The following GNG7 variants were observed in gnomAD, a reference collection of about 807,000 sequenced individuals.
GNG7 encodes G protein subunit gamma 7.
GNG7 carries 1 observed loss-of-function variant against 4.0 expected under a neutral mutation model. That is an observed-to-expected ratio of 0.25 (90% CI 0.09 to 1.18). The LOEUF is 1.18. Ranked by LOEUF, GNG7 falls within the 50% of genes most tolerant of loss-of-function variation. The probability of loss-of-function intolerance (pLI) is 0.50; values close to 1 mark genes in which losing one functional copy is unlikely to be tolerated. For synonymous variants in GNG7, 34 were observed against 36.9 expected (o/e 0.92, Z 0.29); for missense variants, 86 against 91.9 (o/e 0.94, Z 0.26).
At chr19:2,575,958 T>C (rs1980321228) in intron 2 of GNG7, among the ~76,000 whole-genome samples, 1 of 106,584 alleles carries the variant, frequency 9.4e-6, no homozygotes, top group African/African-American at 7.8e-5. Context: ...GGCAGACACA[T>C]GCAGACACAG....
intron 1 of GNG7, among the ~76,000 whole-genome samples, chr19:2,683,846 T>C (rs1599460913): frequency 6.6e-6 from 1 of 151,778 alleles, no homozygotes; most frequent in African/African-American, 2.4e-5. Context: ...TGCCGGGAGG[T>C]ACCCGTGCAG....
Position 2,639,970 on chromosome 19 carries a change from AG to A in GNG7, c.-78+6253del, listed in dbSNP as rs1164292876. 6.1e-3 allele frequency among the ~76,000 whole-genome samples: 313 copies of A among 51,318 alleles called. 2 individuals carry two copies. Among genetic ancestry groups the A allele is most frequent in the African/African-American group, 0.024 (288 of 11,868 alleles). 33.7% of individuals were successfully genotyped at this position (51,318 alleles called of 152,430 possible). On this transcript the variant is annotated intron_variant, in intron 2 of 4. Transcript: ENST00000382159. ...GGAGAGAGGAAGGAGGGAAGGAAGG[AG>A]GGGGGAGGGAGGGAAGGAAGAAAGA... is the stretch of plus-strand genomic sequence containing the variant.
intron 1 of GNG7, among the ~76,000 whole-genome samples, chr19:2,659,592 TAAAAA>T (rs879035849): frequency 2.3e-5 from 1 of 43,468 alleles, no homozygotes; most frequent in Non-Finnish European, 3.9e-5. Flanking sequence ...GACTCCATCT[TAAAAA>T]AAAAAAAAAA....
chr19:2,699,295 T>C (rs1913344030), intron 1 of GNG7, among the ~76,000 whole-genome samples: 1 of 152,030 alleles, frequency 6.6e-6, no homozygotes. Context: ...ATTACAGGCG[T>C]GTGCTACCAC....
chr19:2,628,814 A>G lies in GNG7; in HGVS notation c.-78+17410T>C, dbSNP rs114851593. On this transcript the variant is annotated intron_variant, in intron 2 of 4. Transcript: ENST00000382159. ...GCCCACCCAGGATGTCTCCTTTTTG[A>G]TGAGCTCAGGTCAACTGACTAGGAA... 4.5e-3 allele frequency among the ~76,000 whole-genome samples: 678 copies of G among 152,042 alleles called. 4 individuals are homozygous for G. Among genetic ancestry groups the G allele is most frequent in the African/African-American group, 0.016 (654 of 41,444 alleles).
rs1373370117 is a variant in GNG7, at chr19:2,618,176, C to T, written c.-78+28048G>A. Among the ~76,000 whole-genome samples, 3 of 152,080 alleles carry T rather than the reference C, an allele frequency of 2.0e-5. No homozygotes were observed. The highest frequency in any genetic ancestry group is 4.4e-5 in the Non-Finnish European group (3 of 68,026). On this transcript the variant is annotated intron_variant, in intron 2 of 4. Coordinates refer to ENST00000382159, the MANE Select transcript of GNG7 (RefSeq NM_052847.3). The surrounding 1 kb of genome is among the most constrained non-coding windows in gnomAD (Gnocchi z 5.1). ...ACAGTGAGTGTCGGGTCAATATTTG[C>T]GACTGACCGACGGGTTGGCCTTCCA...
chr19:2,537,599 T>C (rs544197241), intron 3 of GNG7, among the ~76,000 whole-genome samples: 1 of 152,138 alleles, frequency 6.6e-6, no homozygotes, highest in South Asian at 2.1e-4. Context: ...AATCAACATA[T>C]AATACACTGA....
chr19:2,620,228 AGG>A lies in GNG7; in HGVS notation c.-78+25994_-78+25995del, dbSNP rs1413743141. On this transcript the variant is annotated intron_variant, in intron 2 of 4. Transcript: ENST00000382159. ...TCAAAAACAGAAAAGAAAAGAGGAG[AGG>A]GGAGGGGAGGGGAGGGGAGGGGAGG... Among the ~76,000 whole-genome samples the A allele has an allele frequency of 3.5e-3, 156 of 44,558 alleles. 7 individuals carry two copies. Among genetic ancestry groups the A allele is most frequent in the African/African-American group, 0.01 (122 of 12,000 alleles). 29.2% of individuals were successfully genotyped at this position (44,558 alleles called of 152,430 possible).
chr19:2,597,355 G>T (rs1012999025), intron 2 of GNG7, among the ~76,000 whole-genome samples: 30 of 152,312 alleles, frequency 2.0e-4, no homozygotes, highest in African/African-American at 6.5e-4. Context: ...CTAACACTGT[G>T]GGAGGCCGAG....
At chr19:2,664,516 C>CA (rs1412623946) in intron 1 of GNG7, among the ~76,000 whole-genome samples, 1 of 151,992 alleles carries the variant, frequency 6.6e-6, no homozygotes, top group Non-Finnish European at 1.5e-5. Flanking sequence ...AACAAAGGGG[C>CA]AGGCCTGCTT....
intron 1 of GNG7, among the ~76,000 whole-genome samples, chr19:2,676,853 G>A (rs1983607591): frequency 1.3e-5 from 2 of 152,236 alleles, no homozygotes; most frequent in South Asian, 2.1e-4. Flanking sequence ...AGAGATGTGT[G>A]GCAGAGAGAA....
Position 2,685,030 on chromosome 19 carries a change from A to G in GNG7, c.-135+17616T>C, listed in dbSNP as rs371408821. On this transcript the variant is annotated intron_variant, in intron 1 of 4. Coordinates refer to ENST00000382159, the MANE Select transcript of GNG7 (RefSeq NM_052847.3). ...TCCCAGCTACTCAGGAGGCTGACGC[A>G]GGAGAATCGCTTGAACCCAGGAGGC... Among the ~76,000 whole-genome samples, 3 of 152,306 alleles carry G rather than the reference A, an allele frequency of 2.0e-5. No individual in the cohort carries two copies. The East Asian group carries it at 5.8e-4, about 29-fold the overall frequency.
In GNG7 at chr19:2,611,588, G is replaced by A. The variant is rs1371833030; in HGVS notation, c.-78+34636C>T. 6.6e-6 allele frequency: 1 copy of A among 152,214 alleles called. No individual in the cohort carries two copies. The highest frequency in any genetic ancestry group is 1.5e-5 in the Non-Finnish European group (1 of 68,058). 9.4% of individuals were successfully genotyped at this position (152,214 alleles called of 1,614,324 possible). ...GCAATGGCTCACGCCTGTAATCCCAGCACTTGGAGAGGCCAAGGTGGGAGG... is the reference window on the plus strand; with the variant it reads ...GCAATGGCTCACGCCTGTAATCCCAACACTTGGAGAGGCCAAGGTGGGAGG... On this transcript the variant is annotated intron_variant, in intron 2 of 4. Transcript: ENST00000382159. This position sits in a 1 kb window ranked among gnomAD's most constrained non-coding sequence, Gnocchi z 6.0.
At chr19:2,580,981 T>A (rs1412477221) in intron 2 of GNG7, among the ~76,000 whole-genome samples, 3 of 151,878 alleles carry the variant, frequency 2.0e-5, no homozygotes, top group Admixed American at 6.6e-5. Flanking sequence ...GCCAGGATGG[T>A]CTTGAACTCC....
At chr19:2,625,715 A>G (rs1982003287) in intron 2 of GNG7, among the ~76,000 whole-genome samples, 3 of 152,200 alleles carry the variant, frequency 2.0e-5, no homozygotes, top group Admixed American at 2.0e-4. Context: ...GAGGGTGAGC[A>G]GGTAGCGCCC....
At chr19:2,619,415 A>G (rs749869687) in intron 2 of GNG7, among the ~76,000 whole-genome samples, 4 of 152,244 alleles carry the variant, frequency 2.6e-5, no homozygotes, top group Admixed American at 2.0e-4. Context: ...CTCTGCAGAA[A>G]AGTTTGCTAC....
chr19:2,608,131 C>T (rs914778773), intron 2 of GNG7, among the ~76,000 whole-genome samples: 1 of 149,798 alleles, frequency 6.7e-6, no homozygotes, highest in Non-Finnish European at 1.5e-5. Context: ...AGGCTGAGGT[C>T]GCCGCCCTGC....
chr19:2,556,023 C>G (rs565378384), intron 2 of GNG7, among the ~76,000 whole-genome samples: 1 of 152,350 alleles, frequency 6.6e-6, no homozygotes, highest in Admixed American at 6.5e-5. Context: ...GAGATCCAGG[C>G]AGCGATCTGC....
At chr19:2,531,879 C>T (rs568062542) in intron 3 of GNG7, among the ~76,000 whole-genome samples, 28 of 152,076 alleles carry the variant, frequency 1.8e-4, no homozygotes, top group African/African-American at 5.1e-4. Context: ...CTGCCAGGTG[C>T]GGTGGCTCAC....
Sources: gnomAD v4.1 joint callset for allele counts (sites outside exome capture counted in the v4.1 genomes callset) on GRCh38, gnomAD v4.1.1 for gene constraint, Gnocchi (gnomAD v3.1) non-coding constraint, MANE v1.5 for transcripts, NCBI Gene and HGNC (gene_info 2026-07-23, HGNC 2026-07-21) for gene names.